The following UBAP1L variants were observed in gnomAD, a reference collection of about 807,000 sequenced individuals.
UBAP1L encodes the protein ubiquitin-associated protein 1-like.
A neutral mutation model predicts 32.1 loss-of-function variants in UBAP1L; 32 were observed. That is an observed-to-expected ratio of 1.00 (90% CI 0.75 to 1.34). UBAP1L has a LOEUF of 1.34. Ranked by LOEUF, UBAP1L falls within the 40% of genes most tolerant of loss-of-function variation. The probability of loss-of-function intolerance (pLI) is 0.00; values close to 1 mark genes in which losing one functional copy is unlikely to be tolerated. For missense variants in UBAP1L, 516 were observed against 540.5 expected, an observed-to-expected ratio of 0.95 and a Z score of 0.45; for synonymous variants, 243 against 250.2, an observed-to-expected ratio of 0.97 and a Z score of 0.27.
Position 65,093,074 on chromosome 15 carries a change from G to T in UBAP1L, c.*23C>A. ...GTCTGGCATTGGGCCTAGATGCCCAGGCATCGTGGAGTGCCTCCGTGGTCA... is the reference window on the plus strand; with the variant it reads ...GTCTGGCATTGGGCCTAGATGCCCATGCATCGTGGAGTGCCTCCGTGGTCA... On this transcript the variant is annotated 3_prime_UTR_variant, in exon 6 of 6. Transcript: ENST00000559089. 6.5e-7 allele frequency: 1 copy of T among 1,539,872 alleles called. No homozygotes were observed.
rs778324704 is a variant in UBAP1L at position 65,106,194 on chromosome 15, G to T, written c.22C>A (p.Pro8Thr). The T allele has an allele frequency of 1.3e-6, 2 of 1,548,142 alleles. No homozygotes were observed. The highest frequency in any genetic ancestry group is 2.4e-5 in the South Asian group (2 of 83,334). The change falls in exon 2 of 6, where the codon CCT becomes ACT. Residue 8 changes from proline (P) to threonine (T), a missense_variant. By Grantham distance (38) the Pro-to-Thr change is conservative. Coordinates refer to ENST00000559089, the MANE Select transcript of UBAP1L (RefSeq NM_001163692.2). ...ACAAAGCCCTTGGGCAACTTGAAAG[G>T]AACACCATCGAGGGCATTCATTCTG... MNALDGVPFKLPKGFVIG... is the reference protein window; with the variant it reads MNALDGVTFKLPKGFVIG...
Position 65,102,118 on chromosome 15 carries a change from C to T in UBAP1L, c.687G>A (p.Lys229=). 8.3e-7 allele frequency: 1 copy of T among 1,202,564 alleles called. No individual in the cohort carries two copies. The allele number at this position is 1,202,564 out of a possible 1,614,324, so 74.5% of individuals were successfully genotyped here. ...AGAIPPLRSH[K]PTVASLSPYT... The stretch of plus-strand genomic sequence containing the variant: ...GCAGAATCCTTACCGCGACCGTAGG[C>T]TTGTGGCTCCGCAGCGGGGGGATGG... Residue 229 remains lysine, a synonymous_variant, in exon 3 of 6, where the codon AAG becomes AAA. Coordinates refer to ENST00000559089, the MANE Select transcript of UBAP1L (RefSeq NM_001163692.2). The surrounding 1 kb of genome is among the most constrained non-coding windows in gnomAD (Gnocchi z 5.0).
At chr15:65,109,986 C>T (rs1225146282) in intron 1 of UBAP1L, among the ~76,000 whole-genome samples, 2 of 152,148 alleles carry the variant, frequency 1.3e-5, no homozygotes, top group African/African-American at 2.4e-5. Flanking sequence ...ATCTGTCCTT[C>T]GTTTAGCAAT....
intron 5 of UBAP1L, among the ~76,000 whole-genome samples, chr15:65,093,948 G>A (rs920427997): frequency 5.3e-5 from 8 of 152,348 alleles, no homozygotes; most frequent in South Asian, 2.1e-4. Context: ...TTGGGAGACC[G>A]AGGCGGGAGA....
intron 1 of UBAP1L, among the ~76,000 whole-genome samples, chr15:65,107,739 CAAAAA>C (rs56359277): frequency 8.4e-5 from 8 of 94,764 alleles, no homozygotes; most frequent in Non-Finnish European, 1.3e-4. Context: ...AACGCTGTCT[CAAAAA>C]AAAAAAAAAA....
chr15:65,108,902 A>C (rs1429605181), intron 1 of UBAP1L, among the ~76,000 whole-genome samples: 1 of 152,150 alleles, frequency 6.6e-6, no homozygotes, highest in Non-Finnish European at 1.5e-5. Context: ...CACACCTGTA[A>C]TCCCAGCACT....
chr15:65,106,558 C>T (rs1170417101), intron 1 of UBAP1L, among the ~76,000 whole-genome samples, 170 bp from the exon 2 acceptor site: 1 of 151,552 alleles, frequency 6.6e-6, no homozygotes, highest in Non-Finnish European at 1.5e-5. Flanking sequence ...AAGAAACAAA[C>T]AGCATTAATT....
chr15:65,109,006 A>T (rs1030869487), intron 1 of UBAP1L, among the ~76,000 whole-genome samples: 78 of 151,404 alleles, frequency 5.2e-4, no homozygotes, highest in Non-Finnish European at 2.5e-4. Context: ...AACATACAAA[A>T]ATTAGCCAGG....
intron 1 of UBAP1L, among the ~76,000 whole-genome samples, chr15:65,110,814 A>T (rs899143913): frequency 1.3e-5 from 2 of 152,140 alleles, no homozygotes; most frequent in Non-Finnish European, 2.9e-5. Flanking sequence ...TTTTGCAAAC[A>T]ATCAGGGATT....
intron 2 of UBAP1L, among the ~76,000 whole-genome samples, chr15:65,104,667 G>A (rs560667931): frequency 1.8e-4 from 27 of 152,304 alleles, no homozygotes; most frequent in Admixed American, 1.4e-3. Flanking sequence ...CTTGAGCCCA[G>A]GAATTCAAGT....
chr15:65,094,763 G>C lies in UBAP1L; in HGVS notation c.910-187C>G. Reference sequence around the variant, plus strand: ...GATAGAGGCTTTCTCTGAGTGCCTGGCGATAGGCAGACAATGGGTCTTCAC... The same window carrying C: ...GATAGAGGCTTTCTCTGAGTGCCTGCCGATAGGCAGACAATGGGTCTTCAC... On this transcript the variant is annotated intron_variant, in intron 4 of 5. Transcript: ENST00000559089. This position sits in a 1 kb window ranked among gnomAD's most constrained non-coding sequence, Gnocchi z 4.2. 2 of 608,992 alleles carry C rather than the reference G, an allele frequency of 3.3e-6. No individual in the cohort carries two copies. Among genetic ancestry groups the C allele is most frequent in the Non-Finnish European group, 5.9e-6 (2 of 339,392 alleles). The allele number at this position is 608,992 out of a possible 1,614,324, so 37.7% of individuals were successfully genotyped here.
chr15:65,110,190 C>A (rs919522419), intron 1 of UBAP1L, among the ~76,000 whole-genome samples: 3 of 151,878 alleles, frequency 2.0e-5, no homozygotes, highest in African/African-American at 7.3e-5. Flanking sequence ...GAAACCCCGT[C>A]CCTACTAAAA....
At position 65,102,045 on chromosome 15, in the gene UBAP1L, C is replaced by A; in HGVS notation, c.699+61G>T. The A allele has an allele frequency of 5.0e-6, 4 of 797,978 alleles. No homozygotes were observed. Among genetic ancestry groups the A allele is most frequent in the Non-Finnish European group, 6.7e-6 (4 of 600,478 alleles). 49.4% of individuals were successfully genotyped at this position (797,978 alleles called of 1,614,324 possible). On this transcript the variant is annotated intron_variant, in intron 3 of 5. Transcript: ENST00000559089. This position sits in a 1 kb window ranked among gnomAD's most constrained non-coding sequence, Gnocchi z 5.0. ...CCGAGGCTGCGGGCTGGGCTGGACA[C>A]CCAGATTATGGGGCCTGGGCTGCTG...
intron 3 of UBAP1L, among the ~76,000 whole-genome samples, 171 bp downstream of exon 3, chr15:65,101,935 G>A (rs1350348359): frequency 6.6e-6 from 1 of 152,226 alleles, no homozygotes; most frequent in Admixed American, 6.5e-5. Context: ...CTCTACTCTA[G>A]TCAAAGGGCC....
intron 4 of UBAP1L, chr15:65,095,998 C>T (rs1016058513): frequency 6.6e-6 from 1 of 152,104 alleles, no homozygotes; most frequent in Admixed American, 6.5e-5. Context: ...AAGGCAGGTG[C>T]CTTGTCCGGG....
intron 2 of UBAP1L, among the ~76,000 whole-genome samples, chr15:65,104,041 G>A (rs929509590): frequency 3.3e-5 from 5 of 152,040 alleles, no homozygotes; most frequent in Admixed American, 1.3e-4. Context: ...GATCACCTGA[G>A]GTCAGTTCAA....
chr15:65,097,034 T>A (rs990749084), intron 4 of UBAP1L: 1 of 152,172 alleles, frequency 6.6e-6, no homozygotes, highest in Non-Finnish European at 1.5e-5. Flanking sequence ...GGAGGATAGA[T>A]GAAGTCATCC....
At chr15:65,099,743 G>C in intron 3 of UBAP1L, 29 bp from the exon 4 acceptor site, 1 of 1,515,314 alleles carries the variant, frequency 6.6e-7, no homozygotes, top group Non-Finnish European at 8.9e-7. Flanking sequence ...GGACATGTCA[G>C]TTACTACAGG....
At position 65,106,100 on chromosome 15, in the gene UBAP1L, G is replaced by A. The variant is rs750085072; in HGVS notation, c.116C>T (p.Ser39Phe). The change falls in exon 2 of 6, where the codon TCT (serine) becomes TTT (phenylalanine). Residue 39 changes from serine to phenylalanine, a missense_variant. By Grantham distance (155) the Ser-to-Phe change is radical. Coordinates refer to ENST00000559089, the MANE Select transcript of UBAP1L (RefSeq NM_001163692.2). ...VPACGEVLLG[S>F]MHDFSLERTA... is the part of the protein sequence containing the mutation. ...GAAACACAGAGACACACTTACCATA[G>A]AACCCAGCAGAACTTCCCCGCAGGC... 2 of 1,551,258 alleles carry A rather than the reference G, an allele frequency of 1.3e-6. No homozygotes were observed. The highest frequency in any genetic ancestry group is 2.7e-5 in the African/African-American group (2 of 73,012).
Sources: allele counts gnomAD v4.1 joint callset (sites outside exome capture counted in the v4.1 genomes callset), GRCh38; gene constraint gnomAD v4.1.1; non-coding constraint Gnocchi (gnomAD v3.1); transcripts MANE v1.5; gene names NCBI Gene and HGNC (gene_info 2026-07-23, HGNC 2026-07-21).